ANTXR1: variants seen among roughly 807,000 people sequenced by gnomAD.
ANTXR1 encodes the protein anthrax toxin receptor 1.
Under a neutral mutation model 78.1 loss-of-function variants are expected in ANTXR1, and 19 were observed. That is an observed-to-expected ratio of 0.24 (90% CI 0.17 to 0.36). The LOEUF (loss-of-function observed/expected upper bound fraction) is 0.36, where lower values mean the gene tolerates loss of function less well. ANTXR1 is among the 10% of genes least tolerant of loss of function. The pLI, the probability that ANTXR1 is intolerant of heterozygous loss-of-function variation, is 1.00. For missense variants in ANTXR1, 518 were observed against 718.6 expected, an observed-to-expected ratio of 0.72 and a Z score of 3.19; for synonymous variants, 273 against 260.5, an observed-to-expected ratio of 1.05 and a Z score of -0.46.
chr2:69,121,833 A>C (rs1326705216), intron 10 of ANTXR1, among the ~76,000 whole-genome samples: 1 of 152,188 alleles, frequency 6.6e-6, no homozygotes, highest in African/African-American at 2.4e-5. Flanking sequence ...TTATATACTT[A>C]GTATAATAAC....
At chr2:69,096,379 GGGAAGGAA>G (rs1185602736) in intron 9 of ANTXR1, among the ~76,000 whole-genome samples, 1 of 73,074 alleles carries the variant, frequency 1.4e-5, no homozygotes, top group Non-Finnish European at 2.6e-5. Context: ...GGAGGAAGGA[GGGAAGGAA>G]GGAAGGAAGG....
intron 13 of ANTXR1, among the ~76,000 whole-genome samples, chr2:69,160,278 G>T (rs925476411): frequency 6.6e-6 from 1 of 152,128 alleles, no homozygotes. Flanking sequence ...TTTGTGGGCT[G>T]CCTGATAACC....
intron 10 of ANTXR1, among the ~76,000 whole-genome samples, chr2:69,118,691 G>T (rs963789440): frequency 3.3e-5 from 5 of 152,170 alleles, no homozygotes; most frequent in Admixed American, 2.0e-4. Context: ...ACTGGCTTTG[G>T]CACACGCTGC....
chr2:69,185,592 C>T (rs988450291), intron 16 of ANTXR1, among the ~76,000 whole-genome samples: 4 of 151,928 alleles, frequency 2.6e-5, no homozygotes, highest in Non-Finnish European at 2.9e-5. Context: ...ACCAAAGGTC[C>T]CAGCCAGCAT....
At chr2:69,200,680 A>G (rs1183704387) in intron 17 of ANTXR1, among the ~76,000 whole-genome samples, 4 of 152,150 alleles carry the variant, frequency 2.6e-5, no homozygotes, top group African/African-American at 7.2e-5. Context: ...CCCACTAAGA[A>G]TCCATTTCTG....
chr2:69,072,909 C>T (rs1466027121), intron 5 of ANTXR1, 113 bp from the exon 6 acceptor site: 15 of 1,072,892 alleles, frequency 1.4e-5, no homozygotes, highest in Non-Finnish European at 1.9e-5. Context: ...TGGTGATTCT[C>T]ACAATATTGA....
At chr2:69,151,182 T>C (rs1048335983) in intron 12 of ANTXR1, among the ~76,000 whole-genome samples, 2 of 141,392 alleles carry the variant, frequency 1.4e-5, no homozygotes, top group African/African-American at 5.3e-5. Flanking sequence ...TATCTGATTA[T>C]TTTCTTTTTT....
At chr2:69,109,502 G>C (rs1671912900) in intron 10 of ANTXR1, among the ~76,000 whole-genome samples, 1 of 152,210 alleles carries the variant, frequency 6.6e-6, no homozygotes, top group Non-Finnish European at 1.5e-5. Flanking sequence ...TCACACCACA[G>C]TAGGCGAACT....
chr2:69,217,237 A>T (rs1675200580), intron 17 of ANTXR1, among the ~76,000 whole-genome samples: 1 of 152,224 alleles, frequency 6.6e-6, no homozygotes, highest in Non-Finnish European at 1.5e-5. Context: ...AGTTCCCACC[A>T]AAAGTGCTTA....
At chr2:69,084,332 C>G (rs760683514) in intron 8 of ANTXR1, among the ~76,000 whole-genome samples, 10 of 152,294 alleles carry the variant, frequency 6.6e-5, no homozygotes, top group Middle Eastern at 6.8e-3. Flanking sequence ...TCCTACACTC[C>G]TTTGGATCGG....
chr2:69,017,442 C>T (rs1204561476), intron 1 of ANTXR1, among the ~76,000 whole-genome samples: 1 of 152,184 alleles, frequency 6.6e-6, no homozygotes, highest in Non-Finnish European at 1.5e-5. Flanking sequence ...TCCTTCTTCC[C>T]CTGCAACTGG....
At chr2:69,089,277 C>T (rs1671151061) in intron 8 of ANTXR1, among the ~76,000 whole-genome samples, 1 of 152,164 alleles carries the variant, frequency 6.6e-6, no homozygotes, top group Non-Finnish European at 1.5e-5. Context: ...TGGGAGATAA[C>T]CTATTTCAAT....
At chr2:69,106,359 CCTCA>C (rs1389356955) in intron 10 of ANTXR1, among the ~76,000 whole-genome samples, 4 of 152,160 alleles carry the variant, frequency 2.6e-5, no homozygotes, top group Admixed American at 2.6e-4. Flanking sequence ...CATTGTGTGG[CCTCA>C]CTCAAAGGAA....
intron 14 of ANTXR1, among the ~76,000 whole-genome samples, chr2:69,174,554 G>A (rs1233104715): frequency 6.6e-6 from 1 of 152,164 alleles, no homozygotes; most frequent in African/African-American, 2.4e-5. Flanking sequence ...AAACCTGGGA[G>A]GTGGAAGTTG....
At chr2:69,223,727 A>G (rs1214702624) in intron 17 of ANTXR1, among the ~76,000 whole-genome samples, 1 of 152,254 alleles carries the variant, frequency 6.6e-6, no homozygotes, top group East Asian at 1.9e-4. Context: ...ATTGTGTGCT[A>G]GATTCTTTAA....
intron 16 of ANTXR1, among the ~76,000 whole-genome samples, chr2:69,184,638 A>G (rs1674375690): frequency 6.6e-6 from 1 of 152,214 alleles, no homozygotes; most frequent in Admixed American, 6.5e-5. Flanking sequence ...ACTTGAGAGC[A>G]TAGTCCTCTA....
intron 12 of ANTXR1, among the ~76,000 whole-genome samples, chr2:69,139,329 C>T (rs1031603657): frequency 6.6e-6 from 1 of 152,240 alleles, no homozygotes; most frequent in Non-Finnish European, 1.5e-5. Context: ...AGGCACTGCA[C>T]ATTGCAGCAC....
chr2:69,235,730 G>C (rs1006573820), intron 17 of ANTXR1, among the ~76,000 whole-genome samples: 2 of 135,420 alleles, frequency 1.5e-5, no homozygotes, highest in African/African-American at 5.6e-5. Context: ...TTTAACTTCT[G>C]TACATCAAAA....
At chr2:69,104,268 G>T (rs1671734242) in intron 10 of ANTXR1, among the ~76,000 whole-genome samples, 2 of 152,160 alleles carry the variant, frequency 1.3e-5, no homozygotes, top group Middle Eastern at 3.4e-3. Context: ...AGGTTATCTT[G>T]TTTTTAAAGA....
Sources: gnomAD v4.1 joint callset for allele counts (sites outside exome capture counted in the v4.1 genomes callset) on GRCh38, gnomAD v4.1.1 for gene constraint, MANE v1.5 for transcripts, NCBI Gene and HGNC (gene_info 2026-07-23, HGNC 2026-07-21) for gene names.